ZNF827: variants seen among roughly 807,000 people sequenced by gnomAD.
The protein encoded by ZNF827 is zinc finger protein 827.
In ZNF827, 13 loss-of-function variants were observed where a neutral mutation model predicts 102.4. That is an observed-to-expected ratio of 0.13 (90% confidence interval 0.08 to 0.20). The LOEUF (loss-of-function observed/expected upper bound fraction) is 0.20, where lower values mean the gene tolerates loss of function less well. Ranked by LOEUF, ZNF827 falls within the 10% of genes least tolerant of loss-of-function variation. The probability of loss-of-function intolerance (pLI) is 1.00; values close to 1 mark genes in which losing one functional copy is unlikely to be tolerated. For missense variants in ZNF827, 1,103 were observed against 1,344.4 expected, an observed-to-expected ratio of 0.82 and a Z score of 2.81; for synonymous variants, 523 against 536.2, an observed-to-expected ratio of 0.98 and a Z score of 0.34.
At chr4:145,937,588 G>C (rs1404551961) in intron 1 of ZNF827, among the ~76,000 whole-genome samples, 2 of 139,546 alleles carry the variant, frequency 1.4e-5, no homozygotes, top group Admixed American at 7.0e-5. Context: ...GCGCCCCCTC[G>C]CCTCGGCGCC....
At chr4:145,936,283 C>T (rs866660712) in intron 1 of ZNF827, among the ~76,000 whole-genome samples, 1 of 151,966 alleles carries the variant, frequency 6.6e-6, no homozygotes, top group Non-Finnish European at 1.5e-5. Flanking sequence ...CGCGGAGCCT[C>T]CCAACTCGCC....
intron 1 of ZNF827, among the ~76,000 whole-genome samples, chr4:145,937,570 G>A (rs1288947195): frequency 1.4e-5 from 2 of 144,184 alleles, no homozygotes; most frequent in Non-Finnish European, 3.1e-5. Context: ...GCCGCCCCGC[G>A]CCCCGGCGCG....
At chr4:145,786,895 C>T (rs1487850138) in intron 8 of ZNF827, among the ~76,000 whole-genome samples, 1 of 152,326 alleles carries the variant, frequency 6.6e-6, no homozygotes, top group Admixed American at 6.5e-5. Flanking sequence ...GAGGATCTAC[C>T]TTGCAGTGTC....
chr4:145,848,802 C>T (rs1322000968), intron 6 of ZNF827, among the ~76,000 whole-genome samples: 1 of 152,170 alleles, frequency 6.6e-6, no homozygotes, highest in African/African-American at 2.4e-5. Flanking sequence ...AGTTGGTTTA[C>T]CGAAACTGTT....
chr4:145,796,420 G>A (rs1445614891), intron 8 of ZNF827, among the ~76,000 whole-genome samples: 2 of 150,260 alleles, frequency 1.3e-5, no homozygotes, highest in East Asian at 3.9e-4. Context: ...AATTGTTGGT[G>A]GGGAAGGGTG....
At chr4:145,788,801 A>G (rs777518248) in intron 8 of ZNF827, among the ~76,000 whole-genome samples, 3 of 152,212 alleles carry the variant, frequency 2.0e-5, no homozygotes, top group Non-Finnish European at 2.9e-5. Context: ...GAATGTCCCA[A>G]TGTTGAGGCC....
At chr4:145,848,852 T>C (rs1170508832) in intron 6 of ZNF827, among the ~76,000 whole-genome samples, 1 of 152,242 alleles carries the variant, frequency 6.6e-6, no homozygotes, top group Non-Finnish European at 1.5e-5. Context: ...CATACCTTCA[T>C]CTTTTGCTTT....
Position 145,849,486 on chromosome 4 carries a change from A to G in ZNF827, c.2057T>C (p.Val686Ala), listed in dbSNP as rs757166919. The change falls in exon 6 of 15, where the codon GTC becomes GCC. Residue 686 changes from valine to alanine, a missense_variant. Physicochemically the swap from Val to Ala is moderately conservative, Grantham distance 64. Coordinates refer to ENST00000508784, the MANE Select transcript of ZNF827 (RefSeq NM_001306215.2). Reference sequence around the variant, plus strand: ...AACATTCCGGCTGGGTGATATCGAGACATGGGAGTCCTGGATGTCAACCTC... The same window carrying G: ...AACATTCCGGCTGGGTGATATCGAGGCATGGGAGTCCTGGATGTCAACCTC... ...PMEVDIQDSH[V>A]SISPSRNVGY... The G allele has an allele frequency of 1.2e-6, 2 of 1,614,102 alleles. No homozygotes were observed. The highest frequency in any genetic ancestry group is 2.7e-5 in the African/African-American group (2 of 74,932).
chr4:145,847,705 GC>G (rs1204336014), intron 6 of ZNF827, among the ~76,000 whole-genome samples: 1 of 152,140 alleles, frequency 6.6e-6, no homozygotes, highest in Non-Finnish European at 1.5e-5. Context: ...GCTGTCAATG[GC>G]TTCTTTTAAT....
intron 1 of ZNF827, among the ~76,000 whole-genome samples, chr4:145,920,184 G>A (rs962135281): frequency 3.3e-5 from 5 of 152,178 alleles, no homozygotes; most frequent in Non-Finnish European, 7.4e-5. Context: ...TAAAGAGGAC[G>A]GCTTACCTCA....
At chr4:145,785,046 T>C (rs1176044494) in intron 8 of ZNF827, among the ~76,000 whole-genome samples, 2 of 152,256 alleles carry the variant, frequency 1.3e-5, no homozygotes, top group African/African-American at 2.4e-5. Context: ...ATTTGGGCTT[T>C]TCCTCTTCCT....
At position 145,781,467 on chromosome 4, in the gene ZNF827, C is replaced by T. The variant is rs147503145; in HGVS notation, c.2384-1956G>A. 4.9e-3 allele frequency among the ~76,000 whole-genome samples: 739 copies of T among 152,182 alleles called. 17 individuals carry two copies. The highest frequency in any genetic ancestry group is 0.038 in the Admixed American group (576 of 15,292). ...ATGATGGTGAAATTGCAATAATGTT[C>T]GCTGTGAGGCACCTGCCAGCAATCC... On this transcript the variant is annotated intron_variant, in intron 8 of 14. Transcript: ENST00000508784.
chr4:145,774,249 C>G (rs1430221084), intron 11 of ZNF827, among the ~76,000 whole-genome samples: 1 of 152,134 alleles, frequency 6.6e-6, no homozygotes, highest in African/African-American at 2.4e-5. Flanking sequence ...TCAGGATGAG[C>G]AACAAGCAAA....
chr4:145,937,267 GGT>G (rs1240140133), intron 1 of ZNF827, among the ~76,000 whole-genome samples: 3 of 151,850 alleles, frequency 2.0e-5, no homozygotes, highest in African/African-American at 4.8e-5. Context: ...CGTGCCGGCG[GGT>G]GTGTGTCTCC....
intron 8 of ZNF827, among the ~76,000 whole-genome samples, chr4:145,817,893 C>A (rs151077431): frequency 1.6e-4 from 25 of 152,250 alleles, no homozygotes; most frequent in African/African-American, 5.5e-4. Context: ...AGTTTTAACA[C>A]AGCTTCATAA....
intron 7 of ZNF827, chr4:145,832,025 G>T (rs1744261597): frequency 6.6e-6 from 1 of 152,230 alleles, no homozygotes; most frequent in Non-Finnish European, 1.5e-5. Context: ...CACTTTGGGA[G>T]ACCAAGGCAG....
chr4:145,918,685 G>A (rs1350861529), intron 1 of ZNF827, among the ~76,000 whole-genome samples: 3 of 152,070 alleles, frequency 2.0e-5, no homozygotes, highest in Non-Finnish European at 2.9e-5. Context: ...TGGGGCTCTC[G>A]GGCAAGGTTG....
At chr4:145,830,636 T>C (rs975174994) in intron 7 of ZNF827, 2 of 152,226 alleles carry the variant, frequency 1.3e-5, no homozygotes, top group Non-Finnish European at 2.9e-5. Context: ...TAGACGCTTA[T>C]ATTTCTTTTC....
intron 8 of ZNF827, among the ~76,000 whole-genome samples, chr4:145,805,350 T>C (rs1741313757): frequency 6.6e-6 from 1 of 152,136 alleles, no homozygotes; most frequent in Admixed American, 6.5e-5. Context: ...AATATCTAGA[T>C]AGTCATTTTT....
Sources: gnomAD v4.1 joint callset for allele counts (sites outside exome capture counted in the v4.1 genomes callset) on GRCh38, gnomAD v4.1.1 for gene constraint, MANE v1.5 for transcripts, NCBI Gene and HGNC (gene_info 2026-07-23, HGNC 2026-07-21) for gene names.